GLIS3: variants seen among roughly 807,000 people sequenced by gnomAD.
The protein encoded by GLIS3 is zinc finger protein GLIS3.
A neutral mutation model predicts 78.6 loss-of-function variants in GLIS3; 53 were observed. The ratio of observed to expected loss-of-function variants is 0.67; its 90% CI spans 0.54 to 0.85. The LOEUF (loss-of-function observed/expected upper bound fraction) is 0.85. Among genes scored for constraint, GLIS3 ranks in the 40% least tolerant of loss-of-function variants. GLIS3 has a pLI of 0.00. For missense variants in GLIS3, 1,703 were observed against 1,231.1 expected (o/e 1.38, Z -5.74); for synonymous variants, 684 against 509.9 (o/e 1.34, Z -4.60).
chr9:4,381,430 G>C, the GLIS3 span, among the ~76,000 whole-genome samples: 2 of 152,170 alleles, frequency 1.3e-5, no homozygotes, highest in East Asian at 1.9e-4. Context: ...AACAGTATCT[G>C]ATATATAATA....
intron 2 of GLIS3, among the ~76,000 whole-genome samples, chr9:4,128,922 G>A (rs1428919090): frequency 6.6e-6 from 1 of 152,200 alleles, no homozygotes; most frequent in Non-Finnish European, 1.5e-5. Context: ...AGGCCAAGAA[G>A]CGATCACTGG....
At chr9:3,988,714 A>G (rs967191571) in intron 4 of GLIS3, among the ~76,000 whole-genome samples, 10 of 152,192 alleles carry the variant, frequency 6.6e-5, no homozygotes, top group African/African-American at 2.4e-4. Context: ...ACAAAAAAAA[A>G]GAAAAAGAAT....
chr9:4,382,721 C>T, the GLIS3 span, among the ~76,000 whole-genome samples: 1 of 152,118 alleles, frequency 6.6e-6, no homozygotes, highest in Non-Finnish European at 1.5e-5. Context: ...GTCGAGACAG[C>T]ATCTATATAT....
intron 7 of GLIS3, among the ~76,000 whole-genome samples, chr9:3,888,217 G>A (rs747559749): frequency 2.0e-5 from 3 of 152,130 alleles, no homozygotes; most frequent in Admixed American, 2.0e-4. Flanking sequence ...GGAAATAAAA[G>A]TTTTACTTGG....
intron 4 of GLIS3, among the ~76,000 whole-genome samples, chr9:4,096,546 G>A (rs1829963278): frequency 6.6e-6 from 1 of 152,182 alleles, no homozygotes; most frequent in South Asian, 2.1e-4. Context: ...TAAAGTTAGT[G>A]GCTGAAGGAC....
chr9:4,386,821 C>A, the GLIS3 span, among the ~76,000 whole-genome samples: 1 of 152,186 alleles, frequency 6.6e-6, no homozygotes, highest in Non-Finnish European at 1.5e-5. Context: ...TGCCTCCAGA[C>A]CCTATTTTCC....
Position 4,227,011 on chromosome 9 carries a change from G to A in GLIS3, c.388+59027C>T, listed in dbSNP as rs979193090. The stretch of plus-strand genomic sequence containing the variant: ...AGAACTAGCAACAGGAGCATCCTGG[G>A]AAGGAAAACAAGAGTTCTTGCATGC... On this transcript the variant is annotated intron_variant, in intron 2 of 10. Coordinates refer to ENST00000381971, the MANE Select transcript of GLIS3 (RefSeq NM_001042413.2). Among the ~76,000 whole-genome samples, 6 of 152,268 alleles carry A rather than the reference G, an allele frequency of 3.9e-5. No homozygotes were observed. In the South Asian group the frequency reaches 1.2e-3, roughly 32 times the overall value.
At chr9:4,426,473 A>G in the GLIS3 span, among the ~76,000 whole-genome samples, 4 of 152,100 alleles carry the variant, frequency 2.6e-5, no homozygotes, top group African/African-American at 4.8e-5. Context: ...TGCTCAGGCA[A>G]TTTCCTACTC....
chr9:4,116,884 T>C lies in GLIS3; in HGVS notation c.1710+884A>G, dbSNP rs142322323. On this transcript the variant is annotated intron_variant, in intron 4 of 10. Coordinates refer to ENST00000381971, the MANE Select transcript of GLIS3 (RefSeq NM_001042413.2). ...CTTTTTCCAATACTTAAGTGAGCTG[T>C]CTGAGATTGTGCAAAGCCATCCTGT... Among the ~76,000 whole-genome samples the C allele has an allele frequency of 1.2e-3, 180 of 152,354 alleles. 1 individual carries two copies. Among genetic ancestry groups the C allele is most frequent in the African/African-American group, 4.2e-3 (174 of 41,584 alleles).
chr9:4,354,521 T>C, the GLIS3 span, among the ~76,000 whole-genome samples: 1 of 152,274 alleles, frequency 6.6e-6, no homozygotes, highest in South Asian at 2.1e-4. Flanking sequence ...TAATAACTGC[T>C]TACCCTCCAG....
At chr9:4,108,707 A>G (rs1318534891) in intron 4 of GLIS3, among the ~76,000 whole-genome samples, 2 of 152,146 alleles carry the variant, frequency 1.3e-5, no homozygotes, top group Admixed American at 6.5e-5. Flanking sequence ...AAATGAAACC[A>G]CTTTCAAACA....
At chr9:4,253,526 G>A (rs1379327455) in intron 2 of GLIS3, among the ~76,000 whole-genome samples, 2 of 152,232 alleles carry the variant, frequency 1.3e-5, no homozygotes, top group East Asian at 1.9e-4. Flanking sequence ...GAAGCCAGTG[G>A]ATCTTGGCTT....
At chr9:3,932,561 T>C in intron 5 of GLIS3, 91 bp from the exon 6 acceptor site, 2 of 922,340 alleles carry the variant, frequency 2.2e-6, no homozygotes, top group South Asian at 1.3e-5. Flanking sequence ...CTTCAGAGCA[T>C]GAACTGTTAC....
intron 4 of GLIS3, among the ~76,000 whole-genome samples, chr9:3,978,914 A>T (rs995687681): frequency 4.6e-5 from 7 of 152,198 alleles, no homozygotes; most frequent in Non-Finnish European, 8.8e-5. Context: ...CAAATAAAAA[A>T]TACAGTATAA....
the GLIS3 span, among the ~76,000 whole-genome samples, chr9:4,368,703 C>T: frequency 6.6e-6 from 1 of 152,192 alleles, no homozygotes; most frequent in Non-Finnish European, 1.5e-5. Flanking sequence ...TAATGGATGA[C>T]TTTGACGAAG....
intron 2 of GLIS3, among the ~76,000 whole-genome samples, chr9:4,269,605 T>TG (rs1391985254): frequency 6.6e-6 from 1 of 152,234 alleles, no homozygotes; most frequent in African/African-American, 2.4e-5. Context: ...CATCATTATG[T>TG]GTTCCAGTGT....
intron 4 of GLIS3, among the ~76,000 whole-genome samples, chr9:4,096,313 T>A (rs371711755): frequency 5.3e-5 from 8 of 152,214 alleles, no homozygotes; most frequent in Admixed American, 1.3e-4. Flanking sequence ...AGTTGTGTTA[T>A]AAGGACATAC....
chr9:4,379,567 G>C, the GLIS3 span, among the ~76,000 whole-genome samples: 3 of 152,148 alleles, frequency 2.0e-5, no homozygotes, highest in Admixed American at 1.3e-4. Flanking sequence ...TCAGGATCTG[G>C]GAGCTAAACC....
At chr9:4,361,488 T>C in the GLIS3 span, among the ~76,000 whole-genome samples, 3 of 152,228 alleles carry the variant, frequency 2.0e-5, no homozygotes, top group African/African-American at 7.2e-5. Context: ...TTGACCCCGT[T>C]CCCTTCCATT....
Sources: gnomAD v4.1 joint callset for allele counts (sites outside exome capture counted in the v4.1 genomes callset) on GRCh38, gnomAD v4.1.1 for gene constraint, MANE v1.5 for transcripts, NCBI Gene and HGNC (gene_info 2026-07-23, HGNC 2026-07-21) for gene names.